The following TMEM108 variants were observed in gnomAD, a reference collection of about 807,000 sequenced individuals.
TMEM108 encodes cancer/testis antigen 124.
TMEM108 carries 12 observed loss-of-function variants against 35.1 expected under a neutral mutation model. The observed-to-expected ratio is 0.34, with a 90% CI of 0.22 to 0.55. TMEM108 has a LOEUF of 0.55. TMEM108 is among the 20% of genes least tolerant of loss of function. The pLI is 0.89. For missense variants in TMEM108, 680 were observed against 753.3 expected (o/e 0.90, Z 1.14); for synonymous variants, 287 against 308.6 (o/e 0.93, Z 0.73).
chr3:133,362,752 T>C (rs949414131), intron 3 of TMEM108, among the ~76,000 whole-genome samples: 3 of 152,186 alleles, frequency 2.0e-5, no homozygotes, highest in African/African-American at 7.2e-5. Flanking sequence ...TCCTGAGCTC[T>C]TGCTGCTTCT....
chr3:133,135,578 T>C (rs1364994894), intron 2 of TMEM108, among the ~76,000 whole-genome samples: 1 of 150,658 alleles, frequency 6.6e-6, no homozygotes, highest in Non-Finnish European at 1.5e-5. Flanking sequence ...TTGGGGGAGG[T>C]TTTAGGCCGG....
At chr3:133,230,329 C>T (rs974062753) in intron 3 of TMEM108, among the ~76,000 whole-genome samples, 4 of 152,120 alleles carry the variant, frequency 2.6e-5, no homozygotes, top group South Asian at 2.1e-4. Context: ...GCATTCTGGC[C>T]GGGCGTTTTA....
At chr3:133,392,691 G>A (rs1035530865) in intron 5 of TMEM108, among the ~76,000 whole-genome samples, 6 of 152,070 alleles carry the variant, frequency 3.9e-5, no homozygotes, top group South Asian at 4.2e-4. Flanking sequence ...TCCTGATTAC[G>A]TAGATGGTAC....
At chr3:133,173,869 G>T (rs998294547) in intron 2 of TMEM108, among the ~76,000 whole-genome samples, 1 of 152,248 alleles carries the variant, frequency 6.6e-6, no homozygotes, top group Non-Finnish European at 1.5e-5. Context: ...GTGAGCCGAA[G>T]CAGGGTGAGG....
intron 2 of TMEM108, among the ~76,000 whole-genome samples, chr3:133,098,398 A>T (rs1334071331): frequency 6.6e-6 from 1 of 152,156 alleles, no homozygotes; most frequent in African/African-American, 2.4e-5. Context: ...TCAAGTTCAG[A>T]TGTGGGTGGG....
At chr3:133,060,863 A>G (rs78263649) in intron 2 of TMEM108, among the ~76,000 whole-genome samples, 4,203 of 152,320 alleles carry the variant, frequency 0.028, 103 homozygotes, top group South Asian at 0.061. Flanking sequence ...AACTAGAAAT[A>G]ACCTAAATAC....
chr3:133,334,538 C>A (rs564780044), intron 3 of TMEM108, among the ~76,000 whole-genome samples: 1 of 151,946 alleles, frequency 6.6e-6, no homozygotes, highest in Non-Finnish European at 1.5e-5. Flanking sequence ...GTCCATCTGG[C>A]AGGAGGAGGT....
At chr3:133,239,960 T>C (rs1020361162) in intron 3 of TMEM108, among the ~76,000 whole-genome samples, 1 of 152,152 alleles carries the variant, frequency 6.6e-6, no homozygotes, top group African/African-American at 2.4e-5. Context: ...GTACTGGAAG[T>C]TAGTTTTTAC....
Position 133,222,995 on chromosome 3 carries a change from A to AT in TMEM108, c.-46-6263dup, listed in dbSNP as rs532343817. On this transcript the variant is annotated intron_variant, in intron 2 of 5. Transcript: ENST00000321871. ...ATCACCATGCCCAGCTAATTTTTAA[A>AT]TTTTTTTTGTAGAAATGGGGTCTTG... Among the ~76,000 whole-genome samples the AT allele has an allele frequency of 3.4e-4, 52 of 151,884 alleles. No homozygotes were observed. The South Asian group carries it at 0.01, about 30-fold the overall frequency.
intron 3 of TMEM108, among the ~76,000 whole-genome samples, chr3:133,258,645 C>T (rs1946581494): frequency 6.6e-6 from 1 of 152,210 alleles, no homozygotes; most frequent in Non-Finnish European, 1.5e-5. Context: ...GGCATCACCA[C>T]TGCCTCATAC....
At chr3:133,306,186 CAG>C (rs1368687485) in intron 3 of TMEM108, among the ~76,000 whole-genome samples, 4 of 152,154 alleles carry the variant, frequency 2.6e-5, no homozygotes. Context: ...CTGCCCAACA[CAG>C]AGTCACAAAG....
intron 3 of TMEM108, among the ~76,000 whole-genome samples, chr3:133,279,260 A>G (rs958280609): frequency 6.6e-6 from 1 of 152,200 alleles, no homozygotes; most frequent in African/African-American, 2.4e-5. Context: ...GTGTACGACA[A>G]TCAGCTATGA....
chr3:133,270,732 C>T (rs922498812), intron 3 of TMEM108, among the ~76,000 whole-genome samples: 1 of 152,012 alleles, frequency 6.6e-6, no homozygotes, highest in African/African-American at 2.4e-5. Context: ...GTCATAATCT[C>T]CAACTTCTGC....
At chr3:133,277,643 C>T (rs929928741) in intron 3 of TMEM108, among the ~76,000 whole-genome samples, 36 of 152,174 alleles carry the variant, frequency 2.4e-4, no homozygotes, top group African/African-American at 8.4e-4. Flanking sequence ...CCGCCGGGCA[C>T]CGCATTGTTC....
intron 2 of TMEM108, among the ~76,000 whole-genome samples, chr3:133,212,438 G>C (rs1428657452): frequency 6.6e-6 from 1 of 152,146 alleles, no homozygotes; most frequent in Non-Finnish European, 1.5e-5. Context: ...TAATCTCACA[G>C]AACTGCCACA....
intron 2 of TMEM108, among the ~76,000 whole-genome samples, chr3:133,047,034 T>C (rs1943348429): frequency 6.6e-6 from 1 of 152,094 alleles, no homozygotes. Flanking sequence ...AAATAGACAA[T>C]TAGAGGATGG....
In TMEM108 at chr3:133,310,394, G is replaced by A. The variant is rs185324275; in HGVS notation, c.41-69358G>A. ...TATGAATCTTGGTGCTCCTGTATTG[G>A]GTGCATATATATTTAGGATAATTAG... is the stretch of plus-strand genomic sequence containing the variant. On this transcript the variant is annotated intron_variant, in intron 3 of 5. Coordinates refer to ENST00000321871, the MANE Select transcript of TMEM108 (RefSeq NM_023943.4). Among the ~76,000 whole-genome samples, 705 of 152,100 alleles carry A rather than the reference G, an allele frequency of 4.6e-3. 10 individuals carry two copies. The highest frequency in any genetic ancestry group is 0.016 in the African/African-American group (680 of 41,462).
At chr3:133,255,685 T>G (rs1946535727) in intron 3 of TMEM108, among the ~76,000 whole-genome samples, 1 of 152,134 alleles carries the variant, frequency 6.6e-6, no homozygotes, top group Non-Finnish European at 1.5e-5. Flanking sequence ...CTGGGAATAC[T>G]GTGAGTCTCA....
At chr3:133,039,354 G>A (rs1259904703) in intron 1 of TMEM108, among the ~76,000 whole-genome samples, 1 of 152,206 alleles carries the variant, frequency 6.6e-6, no homozygotes, top group Non-Finnish European at 1.5e-5. Flanking sequence ...TTACTGGGTT[G>A]TGGGGAGAGG....
Sources: gnomAD v4.1 joint callset for allele counts (sites outside exome capture counted in the v4.1 genomes callset) on GRCh38, gnomAD v4.1.1 for gene constraint, MANE v1.5 for transcripts, NCBI Gene and HGNC (gene_info 2026-07-23, HGNC 2026-07-21) for gene names.